Variants in AIF1L observed in about 807,000 individuals in gnomAD.
AIF1L encodes allograft inflammatory factor 1-like.
Under a neutral mutation model 20.7 loss-of-function variants are expected in AIF1L, and 12 were observed. The observed-to-expected ratio is 0.58, with a 90% CI of 0.37 to 0.94. The LOEUF (loss-of-function observed/expected upper bound fraction) is 0.94, where lower values mean the gene tolerates loss of function less well. Ranked by LOEUF, AIF1L falls within the 40% of genes least tolerant of loss-of-function variation. The pLI is 0.01. For synonymous variants in AIF1L, 76 were observed against 65.1 expected (o/e 1.17, Z -0.81); for missense variants, 173 against 185.3 (o/e 0.93, Z 0.39).
chr9:131,120,330 G>A lies in AIF1L; in HGVS notation c.*8G>A, dbSNP rs781740190. On this transcript the variant is annotated 3_prime_UTR_variant, in exon 6 of 6. Coordinates refer to ENST00000247291, the MANE Select transcript of AIF1L (RefSeq NM_031426.4). ...ATTGCTAGCCTGCCCTGAGGACCCC[G>A]CCTGGACTCCCCAGCCTTCCCACCC... The A allele has an allele frequency of 1.1e-5, 17 of 1,603,774 alleles. No homozygotes were observed. Among genetic ancestry groups the A allele is most frequent in the Middle Eastern group, 1.7e-4 (1 of 5,956 alleles).
chr9:131,114,549 A>T, intron 3 of AIF1L, 28 bp from the exon 4 acceptor site: 10 of 1,612,824 alleles, frequency 6.2e-6, no homozygotes, highest in Non-Finnish European at 6.8e-6. Flanking sequence ...TTCCAAACTA[A>T]TGCTAGTTTT....
At chr9:131,105,881 C>T (rs1263435525) in intron 2 of AIF1L, among the ~76,000 whole-genome samples, 1 of 149,334 alleles carries the variant, frequency 6.7e-6, no homozygotes, top group Non-Finnish European at 1.5e-5. Context: ...TGCAGTGGTG[C>T]AGTCAAAGCT....
chr9:131,097,071 T>G (rs918073416), intron 2 of AIF1L, among the ~76,000 whole-genome samples: 3 of 148,298 alleles, frequency 2.0e-5, no homozygotes, highest in Admixed American at 2.0e-4. Context: ...CGGTCTCGGG[T>G]TGCAAGTTGT....
At chr9:131,119,469 C>T (rs1287085240) in intron 5 of AIF1L, among the ~76,000 whole-genome samples, 1 of 149,702 alleles carries the variant, frequency 6.7e-6, no homozygotes, top group Non-Finnish European at 1.5e-5. Flanking sequence ...ACATTGCCCT[C>T]CAGCCTGGGC....
intron 4 of AIF1L, among the ~76,000 whole-genome samples, chr9:131,116,076 A>G (rs181113230): frequency 6.6e-6 from 1 of 152,156 alleles, no homozygotes; most frequent in East Asian, 1.9e-4. Context: ...TGCATCACCC[A>G]CAACCCCACC....
At chr9:131,118,085 ATTGT>A (rs1354070813) in intron 5 of AIF1L, among the ~76,000 whole-genome samples, 167 bp downstream of exon 5, 4 of 151,806 alleles carry the variant, frequency 2.6e-5, no homozygotes, top group African/African-American at 7.3e-5. Flanking sequence ...TTATCTGTCA[ATTGT>A]TTGTTTGTTT....
rs975720955 is a variant in AIF1L at position 131,122,582 on chromosome 9, A to G, written c.*2260A>G. ...AAGATAAAGCCTTCCTTCACTACCC[A>G]TCATATTCAGTGTCCCTGTTCCTCA... On this transcript the variant is annotated 3_prime_UTR_variant, in exon 6 of 6. Coordinates refer to ENST00000247291, the MANE Select transcript of AIF1L (RefSeq NM_031426.4). The G allele has an allele frequency of 3.3e-5, 5 of 151,814 alleles. No homozygotes were observed. Among genetic ancestry groups the G allele is most frequent in the Non-Finnish European group, 7.4e-5 (5 of 68,012 alleles). The allele number at this position is 151,814 out of a possible 1,614,324, so 9.4% of individuals were successfully genotyped here.
Position 131,108,519 on chromosome 9 carries a change from G to T in AIF1L, c.94-3078G>T, listed in dbSNP as rs2133387864. 1.3e-5 allele frequency among the ~76,000 whole-genome samples: 2 copies of T among 152,222 alleles called. 1 individual carries two copies. Among genetic ancestry groups the T allele is most frequent in the Middle Eastern group, 6.8e-3 (2 of 294 alleles). On this transcript the variant is annotated intron_variant, in intron 2 of 5. Transcript: ENST00000247291. The stretch of plus-strand genomic sequence containing the variant: ...GCGTTTGGCCTGTCTATGGACTTTA[G>T]ATGTGGTATTTAACCCCTCTCATCC...
At chr9:131,115,271 G>A (rs1564168671) in intron 4 of AIF1L, among the ~76,000 whole-genome samples, 2 of 151,818 alleles carry the variant, frequency 1.3e-5, no homozygotes, top group Admixed American at 6.6e-5. Flanking sequence ...CCAACATGAC[G>A]AAATCCCATC....
At chr9:131,117,274 C>G (rs1376589232) in intron 4 of AIF1L, among the ~76,000 whole-genome samples, 1 of 152,196 alleles carries the variant, frequency 6.6e-6, no homozygotes, top group Non-Finnish European at 1.5e-5. Context: ...AGCAGAGTTA[C>G]TTTCAATGCC....
rs759234464 is a variant in AIF1L, at chr9:131,121,070, T to TG, written c.*748_*749insG. On this transcript the variant is annotated 3_prime_UTR_variant, in exon 6 of 6. Transcript: ENST00000247291. ...TCGGAGGCAGAAGTGAGGCCTGGGGTTTTGGGGGAAAGGTCAGCTCAGTGC... is the reference window on the plus strand; with the variant it reads ...TCGGAGGCAGAAGTGAGGCCTGGGGTGTTTGGGGGAAAGGTCAGCTCAGTGC... The TG allele has an allele frequency of 2.9e-6, 2 of 691,276 alleles. No individual in the cohort carries two copies. Among genetic ancestry groups the TG allele is most frequent in the Non-Finnish European group, 2.7e-6 (1 of 375,004 alleles). The allele number at this position is 691,276 out of a possible 1,614,324, so 42.8% of individuals were successfully genotyped here. A position where few individuals can be genotyped will look rare whatever the true frequency, so the allele number is the denominator to read the frequency against.
At chr9:131,097,083 A>G (rs1262529193) in intron 2 of AIF1L, among the ~76,000 whole-genome samples, 1 of 149,502 alleles carries the variant, frequency 6.7e-6, no homozygotes, top group African/African-American at 2.5e-5. Context: ...GCAAGTTGTT[A>G]CTCTTGCAAC....
chr9:131,103,608 T>C (rs1830683376), intron 2 of AIF1L, among the ~76,000 whole-genome samples: 1 of 152,226 alleles, frequency 6.6e-6, no homozygotes, highest in South Asian at 2.1e-4. Context: ...ATCGTGCCAC[T>C]GCACTTTAGG....
intron 2 of AIF1L, among the ~76,000 whole-genome samples, chr9:131,111,026 A>AT (rs1169978357): frequency 6.6e-6 from 1 of 151,832 alleles, no homozygotes; most frequent in Non-Finnish European, 1.5e-5. Flanking sequence ...AAATACAAAA[A>AT]TTAGCTGGGC....
intron 4 of AIF1L, among the ~76,000 whole-genome samples, chr9:131,116,790 C>T (rs995403750): frequency 1.3e-5 from 2 of 152,214 alleles, no homozygotes; most frequent in East Asian, 1.9e-4. Context: ...AGCATCTTGC[C>T]GAACTGCCCG....
At chr9:131,096,700 G>C (rs994499143) in intron 1 of AIF1L, 40 bp downstream of exon 1, 1 of 1,450,028 alleles carries the variant, frequency 6.9e-7, no homozygotes, top group Admixed American at 2.9e-5. Context: ...TGTGCGCGCC[G>C]GGCGGACCGC....
In AIF1L at chr9:131,121,787, G is replaced by A. The variant is rs1831143964; in HGVS notation, c.*1465G>A. ...TCCCATGCCTTCAAGTCAGCATCAG[G>A]CTTAGGGCAAAGACCAGGCCTCTGA... On this transcript the variant is annotated 3_prime_UTR_variant, in exon 6 of 6. Transcript: ENST00000247291. 1 of 152,228 alleles carries A rather than the reference G, an allele frequency of 6.6e-6. No individual in the cohort carries two copies. The highest frequency in any genetic ancestry group is 1.5e-5 in the Non-Finnish European group (1 of 68,054). The allele number at this position is 152,228 out of a possible 1,614,324, so 9.4% of individuals were successfully genotyped here. A position where few individuals can be genotyped will look rare whatever the true frequency, so the allele number is the denominator to read the frequency against.
intron 2 of AIF1L, among the ~76,000 whole-genome samples, chr9:131,110,046 C>CA (rs1157469442): frequency 6.6e-6 from 1 of 152,050 alleles, no homozygotes; most frequent in African/African-American, 2.4e-5. Flanking sequence ...CCTGTCTCTA[C>CA]AAAAAATACA....
Position 131,120,380 on chromosome 9 carries a change from C to A in AIF1L, c.*58C>A. 2 of 1,308,924 alleles carry A rather than the reference C, an allele frequency of 1.5e-6. No homozygotes were observed. Among genetic ancestry groups the A allele is most frequent in the South Asian group, 1.3e-5 (1 of 76,858 alleles). The allele number at this position is 1,308,924 out of a possible 1,614,324, so 81.1% of individuals were successfully genotyped here. A position where few individuals can be genotyped will look rare whatever the true frequency, so the allele number is the denominator to read the frequency against. The stretch of plus-strand genomic sequence containing the variant: ...CCATACCTCCCTCCCGATCTTGCTG[C>A]CCTTCTTGACACACTGTGATCTCTC... On this transcript the variant is annotated 3_prime_UTR_variant, in exon 6 of 6. Coordinates refer to ENST00000247291, the MANE Select transcript of AIF1L (RefSeq NM_031426.4).
Sources: gnomAD v4.1 joint callset for allele counts (sites outside exome capture counted in the v4.1 genomes callset) on GRCh38, gnomAD v4.1.1 for gene constraint, MANE v1.5 for transcripts, NCBI Gene and HGNC (gene_info 2026-07-23, HGNC 2026-07-21) for gene names.